MAGI1: variants seen among roughly 807,000 people sequenced by gnomAD.
The protein encoded by MAGI1 is membrane associated guanylate kinase, WW and PDZ domain containing 1.
MAGI1 carries 58 observed loss-of-function variants against 139.9 expected under a neutral mutation model. That is an observed-to-expected ratio of 0.41 (90% confidence interval 0.34 to 0.52). The LOEUF is 0.52. Ranked by LOEUF, MAGI1 falls within the 20% of genes least tolerant of loss-of-function variation. The probability of loss-of-function intolerance (pLI) is 0.12; values close to 1 mark genes in which losing one functional copy is unlikely to be tolerated. For synonymous variants in MAGI1, 812 were observed against 737.9 expected, an observed-to-expected ratio of 1.10 and a Z score of -1.63; for missense variants, 1,874 against 1,901.6, an observed-to-expected ratio of 0.99 and a Z score of 0.27.
intron 2 of MAGI1, among the ~76,000 whole-genome samples, chr3:65,572,049 A>T (rs1018861510): frequency 6.6e-6 from 1 of 152,158 alleles, no homozygotes; most frequent in Non-Finnish European, 1.5e-5. Flanking sequence ...GAAAAAGATT[A>T]TCCTTTAACA....
chr3:65,798,924 C>A (rs1230411073), intron 1 of MAGI1, among the ~76,000 whole-genome samples: 1 of 152,142 alleles, frequency 6.6e-6, no homozygotes, highest in East Asian at 1.9e-4. Flanking sequence ...ACCCATTAAT[C>A]ACATATCGGC....
At chr3:65,528,410 G>A (rs887539181) in intron 2 of MAGI1, among the ~76,000 whole-genome samples, 4 of 152,152 alleles carry the variant, frequency 2.6e-5, no homozygotes, top group African/African-American at 9.7e-5. Context: ...GATACACCAT[G>A]GCAGGACAGG....
At chr3:65,764,689 T>C (rs2037325711) in intron 1 of MAGI1, among the ~76,000 whole-genome samples, 1 of 152,190 alleles carries the variant, frequency 6.6e-6, no homozygotes, top group Non-Finnish European at 1.5e-5. Flanking sequence ...AGCTTCCTTT[T>C]TCTTTTTCTT....
At chr3:65,901,486 G>A (rs1405826250) in intron 1 of MAGI1, among the ~76,000 whole-genome samples, 2 of 152,110 alleles carry the variant, frequency 1.3e-5, no homozygotes, top group Admixed American at 6.6e-5. Flanking sequence ...CTGGCAAAAC[G>A]CTGCAAAGGG....
intron 5 of MAGI1, among the ~76,000 whole-genome samples, chr3:65,458,407 T>G (rs1198530314): frequency 6.6e-6 from 1 of 151,980 alleles, no homozygotes; most frequent in East Asian, 1.9e-4. Context: ...CCATAGTGAT[T>G]ATACTAATTT....
At chr3:65,499,282 G>C (rs565680279) in intron 2 of MAGI1, among the ~76,000 whole-genome samples, 38 of 152,258 alleles carry the variant, frequency 2.5e-4, no homozygotes, top group Admixed American at 2.5e-3. Flanking sequence ...CCACGAATAT[G>C]GAAATGATTG....
chr3:65,966,465 A>T (rs951182435), intron 1 of MAGI1, among the ~76,000 whole-genome samples: 2 of 152,176 alleles, frequency 1.3e-5, no homozygotes, highest in African/African-American at 4.8e-5. Context: ...TAGAATCCTG[A>T]AATTTCTGCA....
intron 4 of MAGI1, among the ~76,000 whole-genome samples, chr3:65,477,590 C>T (rs1234504607): frequency 1.3e-5 from 2 of 152,124 alleles, no homozygotes; most frequent in Admixed American, 6.5e-5. Flanking sequence ...CTATCTTACT[C>T]AGCTGTTACA....
chr3:65,650,213 T>C (rs1004848742), intron 1 of MAGI1, among the ~76,000 whole-genome samples: 2 of 152,232 alleles, frequency 1.3e-5, no homozygotes, highest in East Asian at 3.9e-4. Context: ...CTCTTGACCC[T>C]GGACTTCTCA....
At chr3:65,468,532 T>C (rs1458626611) in intron 5 of MAGI1, among the ~76,000 whole-genome samples, 2 of 151,812 alleles carry the variant, frequency 1.3e-5, no homozygotes, top group Non-Finnish European at 2.9e-5. Flanking sequence ...TGCACCACCA[T>C]ACCTGGCTAA....
intron 12 of MAGI1, chr3:65,401,784 T>C (rs1944917708): frequency 2.2e-6 from 3 of 1,366,072 alleles, no homozygotes; most frequent in Non-Finnish European, 2.8e-6. Context: ...GAATCTCAAA[T>C]GCTCTTCTGG....
chr3:65,395,314 G>C (rs1230170930), intron 13 of MAGI1, among the ~76,000 whole-genome samples: 2 of 151,838 alleles, frequency 1.3e-5, no homozygotes, highest in Non-Finnish European at 1.5e-5. Flanking sequence ...CTTTAGAAAG[G>C]TGGTAAAGAG....
chr3:65,558,409 G>A (rs546354317), intron 2 of MAGI1, among the ~76,000 whole-genome samples: 14 of 152,272 alleles, frequency 9.2e-5, no homozygotes, highest in African/African-American at 3.1e-4. Context: ...CAAAGCTGAT[G>A]ATAGCTGAGG....
intron 1 of MAGI1, among the ~76,000 whole-genome samples, chr3:65,936,941 G>C (rs2063087954): frequency 6.6e-6 from 1 of 151,546 alleles, no homozygotes; most frequent in Non-Finnish European, 1.5e-5. Context: ...TGGTGATGGT[G>C]GTGGTGATGG....
intron 1 of MAGI1, among the ~76,000 whole-genome samples, chr3:65,822,680 A>C (rs1349193323): frequency 2.0e-5 from 3 of 152,208 alleles, no homozygotes; most frequent in Non-Finnish European, 4.4e-5. Flanking sequence ...GGCCTCAGGA[A>C]GTTTACAATC....
intron 1 of MAGI1, among the ~76,000 whole-genome samples, chr3:65,969,040 G>C (rs2064892860): frequency 6.6e-6 from 1 of 152,186 alleles, no homozygotes; most frequent in Non-Finnish European, 1.5e-5. Context: ...TTAGCAAAAG[G>C]CTAACACTCA....
chr3:65,984,400 C>G (rs1478522046), intron 1 of MAGI1, among the ~76,000 whole-genome samples: 2 of 152,100 alleles, frequency 1.3e-5, no homozygotes, highest in African/African-American at 4.8e-5. Flanking sequence ...ATTAAAAATT[C>G]TGTTGATACT....
At chr3:66,002,805 T>C (rs1163430625) in intron 1 of MAGI1, among the ~76,000 whole-genome samples, 1 of 152,176 alleles carries the variant, frequency 6.6e-6, no homozygotes, top group Non-Finnish European at 1.5e-5. Context: ...CATGAGCCAC[T>C]GCACCTGGCC....
chr3:66,025,053 C>T (rs944998474), intron 1 of MAGI1, among the ~76,000 whole-genome samples: 1 of 151,894 alleles, frequency 6.6e-6, no homozygotes, highest in African/African-American at 2.4e-5. Flanking sequence ...AGATAGCTAT[C>T]CAAAGAAAAT....
Sources: allele counts gnomAD v4.1 joint callset (sites outside exome capture counted in the v4.1 genomes callset), GRCh38; gene constraint gnomAD v4.1.1; transcripts MANE v1.5; gene names NCBI Gene and HGNC (gene_info 2026-07-23, HGNC 2026-07-21).